UVRAG: variants seen among roughly 807,000 people sequenced by gnomAD.
The protein encoded by UVRAG is UV radiation resistance associated.
A neutral mutation model predicts 78.0 loss-of-function variants in UVRAG; 19 were observed. The ratio of observed to expected loss-of-function variants is 0.24; its 90% CI spans 0.17 to 0.36. UVRAG has a LOEUF of 0.36. Ranked by LOEUF, UVRAG falls within the 10% of genes least tolerant of loss-of-function variation. UVRAG has a pLI of 1.00. For missense variants in UVRAG, 740 were observed against 853.8 expected (o/e 0.87, Z 1.66); for synonymous variants, 323 against 324.6 (o/e 1.00, Z 0.05).
chr11:75,839,483 G>A (rs1383216166), intron 1 of UVRAG, among the ~76,000 whole-genome samples: 4 of 152,000 alleles, frequency 2.6e-5, no homozygotes, highest in Non-Finnish European at 5.9e-5. Flanking sequence ...GTGTGTGTGT[G>A]TGTATTTTTG....
intron 8 of UVRAG, among the ~76,000 whole-genome samples, chr11:75,997,940 C>T (rs1486719882): frequency 6.6e-6 from 1 of 152,168 alleles, no homozygotes; most frequent in African/African-American, 2.4e-5. Context: ...GGATTCCTGA[C>T]CTGCTTAGGT....
chr11:76,036,055 G>T (rs150827957), intron 12 of UVRAG, among the ~76,000 whole-genome samples: 3 of 152,242 alleles, frequency 2.0e-5, no homozygotes, highest in East Asian at 3.9e-4. Flanking sequence ...AAGAGTAAAG[G>T]CTCGATAATT....
Position 75,815,379 on chromosome 11 carries a change from C to T in UVRAG, c.-29C>T. The T allele has an allele frequency of 8.5e-7, 1 of 1,172,372 alleles. No individual in the cohort carries two copies. The highest frequency in any genetic ancestry group is 3.6e-5 in the South Asian group (1 of 27,456). 72.6% of individuals were successfully genotyped at this position (1,172,372 alleles called of 1,614,324 possible). On this transcript the variant is annotated 5_prime_UTR_variant, in exon 1 of 15. Transcript: ENST00000356136. The stretch of plus-strand genomic sequence containing the variant: ...GCGGCGGATGCCGGAAGAGTGCCCG[C>T]CCCGCCGCTTGGCGGCCCCTGGATC...
At chr11:75,921,232 A>C (rs753235371) in intron 6 of UVRAG, among the ~76,000 whole-genome samples, 1 of 152,156 alleles carries the variant, frequency 6.6e-6, no homozygotes, top group Non-Finnish European at 1.5e-5. Flanking sequence ...GCCATCATCA[A>C]TTTTTATGAT....
At chr11:76,115,037 T>G (rs149773156) in intron 13 of UVRAG, among the ~76,000 whole-genome samples, 1 of 152,324 alleles carries the variant, frequency 6.6e-6, no homozygotes, top group Non-Finnish European at 1.5e-5. Context: ...CCACTTACTG[T>G]GTGTTTGATG....
rs1951977988 is a variant in UVRAG, at chr11:76,106,714, G to A, written c.1306-9210G>A. Among the ~76,000 whole-genome samples, 3 of 152,082 alleles carry A rather than the reference G, an allele frequency of 2.0e-5. No homozygotes were observed. In the South Asian group the frequency reaches 6.2e-4, roughly 32 times the overall value. ...AGTTTAGAGAGTAAGCTTTAGCTGT[G>A]AAGGGAATCAAAGATCCAGATTGGG... On this transcript the variant is annotated intron_variant, in intron 13 of 14. Coordinates refer to ENST00000356136, the MANE Select transcript of UVRAG (RefSeq NM_003369.4).
rs565182325 is a variant in UVRAG, at chr11:76,137,158, A to T, written c.1398-3553A>T. 17 of 340,266 alleles carry T rather than the reference A, an allele frequency of 5.0e-5. 1 individual carries two copies. The highest frequency in any genetic ancestry group is 8.8e-5 in the Non-Finnish European group (15 of 171,162). 21.1% of individuals were successfully genotyped at this position (340,266 alleles called of 1,614,324 possible). A position where few individuals can be genotyped will look rare whatever the true frequency, so the allele number is the denominator to read the frequency against. On this transcript the variant is annotated intron_variant, in intron 14 of 14. Coordinates refer to ENST00000356136, the MANE Select transcript of UVRAG (RefSeq NM_003369.4). ...AGGACAGCTCCTGGCCCGCCACGCAAATCCTGTTTACTCATACTTTGCACA... is the reference window on the plus strand; with the variant it reads ...AGGACAGCTCCTGGCCCGCCACGCATATCCTGTTTACTCATACTTTGCACA...
Position 75,914,793 on chromosome 11 carries a change from C to A in UVRAG, c.593+2754C>A, listed in dbSNP as rs1702489980. 2.0e-5 allele frequency among the ~76,000 whole-genome samples: 3 copies of A among 152,058 alleles called. No individual in the cohort carries two copies. In the South Asian group the frequency reaches 6.2e-4, roughly 32 times the overall value. On this transcript the variant is annotated intron_variant, in intron 6 of 14. Coordinates refer to ENST00000356136, the MANE Select transcript of UVRAG (RefSeq NM_003369.4). ...ACAGGCGTGAGCCACTGTGCCTGGC[C>A]CCGATTCTGTTTTTTGAGAGTATAT...
intron 12 of UVRAG, among the ~76,000 whole-genome samples, chr11:76,040,214 G>T (rs1225506755): frequency 1.3e-5 from 2 of 152,030 alleles, no homozygotes; most frequent in African/African-American, 2.4e-5. Flanking sequence ...CACTAGATCT[G>T]CAGCAAAGAA....
intron 3 of UVRAG, among the ~76,000 whole-genome samples, chr11:75,876,166 T>G (rs917856555): frequency 3.3e-5 from 5 of 152,216 alleles, no homozygotes; most frequent in Non-Finnish European, 7.3e-5. Context: ...TGGTGATTAT[T>G]ATTATTATTT....
intron 1 of UVRAG, among the ~76,000 whole-genome samples, chr11:75,831,231 G>A (rs1945647569): frequency 6.6e-6 from 1 of 152,196 alleles, no homozygotes; most frequent in Non-Finnish European, 1.5e-5. Flanking sequence ...GCTCACACCT[G>A]TAATCCCAGC....
intron 8 of UVRAG, among the ~76,000 whole-genome samples, chr11:75,986,455 TGTTACA>T (rs932203837): frequency 5.3e-5 from 8 of 152,292 alleles, no homozygotes; most frequent in African/African-American, 1.7e-4. Context: ...TAATTGTTAA[TGTTACA>T]GTTACAGCCC....
rs1952346782 is a variant in UVRAG at position 76,124,375 on chromosome 11, A to G, written c.1397+8360A>G. ...TAATCTAAATTATTAGATAAGACAAATATTTTGAAGGACATGACTTGCAGG... is the reference window on the plus strand; with the variant it reads ...TAATCTAAATTATTAGATAAGACAAGTATTTTGAAGGACATGACTTGCAGG... On this transcript the variant is annotated intron_variant, in intron 14 of 14. Transcript: ENST00000356136. Among the ~76,000 whole-genome samples, 4 of 152,202 alleles carry G rather than the reference A, an allele frequency of 2.6e-5. 1 individual carries two copies. In the South Asian group the frequency reaches 8.3e-4, roughly 32 times the overall value.
At chr11:75,944,696 G>A (rs1164302730) in intron 6 of UVRAG, among the ~76,000 whole-genome samples, 2 of 152,274 alleles carry the variant, frequency 1.3e-5, no homozygotes, top group East Asian at 1.9e-4. Context: ...CAGTGGTAAC[G>A]TGGAACTTAT....
chr11:76,109,505 A>G (rs1189851600), intron 13 of UVRAG, among the ~76,000 whole-genome samples: 4 of 152,184 alleles, frequency 2.6e-5, no homozygotes, highest in Non-Finnish European at 5.9e-5. Flanking sequence ...TATGAGATAA[A>G]TATTGTTGGT....
chr11:75,919,856 G>C (rs1947935606), intron 6 of UVRAG, among the ~76,000 whole-genome samples: 1 of 152,018 alleles, frequency 6.6e-6, no homozygotes, highest in African/African-American at 2.4e-5. Context: ...GGTCTGCCAG[G>C]CTCCAGTGCA....
intron 12 of UVRAG, among the ~76,000 whole-genome samples, chr11:76,037,539 C>CAAAAA (rs61354759): frequency 2.1e-5 from 1 of 48,512 alleles, no homozygotes; most frequent in Non-Finnish European, 5.2e-5. Flanking sequence ...TTTGTCTTTA[C>CAAAAA]AAAAAAAAAA....
chr11:75,874,277 A>C (rs1022449200), intron 3 of UVRAG, among the ~76,000 whole-genome samples: 31 of 152,216 alleles, frequency 2.0e-4, no homozygotes, highest in Non-Finnish European at 3.5e-4. Flanking sequence ...GAGAAAAAAA[A>C]AACAACAACA....
At chr11:76,108,698 G>A (rs1369644910) in intron 13 of UVRAG, among the ~76,000 whole-genome samples, 3 of 152,124 alleles carry the variant, frequency 2.0e-5, no homozygotes, top group Admixed American at 6.5e-5. Flanking sequence ...TGTCTGTTGT[G>A]GTCTGAATGT....
Sources: allele counts gnomAD v4.1 joint callset (sites outside exome capture counted in the v4.1 genomes callset), GRCh38; gene constraint gnomAD v4.1.1; transcripts MANE v1.5; gene names NCBI Gene and HGNC (gene_info 2026-07-23, HGNC 2026-07-21).